The following IRAK3 variants were observed in gnomAD, a reference collection of about 807,000 sequenced individuals.
IRAK3 encodes interleukin-1 receptor-associated kinase 3.
In IRAK3, 57 loss-of-function variants were observed where a neutral mutation model predicts 56.6. The ratio of observed to expected loss-of-function variants is 1.01; its 90% CI spans 0.81 to 1.26. The LOEUF is 1.26. Among genes scored for constraint, IRAK3 ranks in the 50% most tolerant of loss-of-function variants. The pLI is 0.00. For synonymous variants in IRAK3, 258 were observed against 255.7 expected (o/e 1.01, Z -0.09); for missense variants, 703 against 719.0 (o/e 0.98, Z 0.25).
At chr12:66,244,832 T>C (rs1052535414) in intron 9 of IRAK3, 116 bp from the exon 10 acceptor site, 2 of 1,058,418 alleles carry the variant, frequency 1.9e-6, no homozygotes, top group African/African-American at 3.2e-5. Context: ...AAGCAATTAA[T>C]AAAATATAAA....
rs567697619 is a variant in IRAK3 at position 66,211,436 on chromosome 12, C to T, written c.437-10C>T. 2.5e-5 allele frequency: 39 copies of T among 1,577,292 alleles called. No homozygotes were observed. The South Asian group carries it at 4.1e-4, about 17-fold the overall frequency. ...AGCTAACTTATCTTCCCCCTACTTT[C>T]CTTCCTAAGGAATACTGCTTAAATC... On this transcript the variant is annotated splice_polypyrimidine_tract_variant and intron_variant, in intron 4 of 11. Coordinates refer to ENST00000261233, the MANE Select transcript of IRAK3 (RefSeq NM_007199.3).
At chr12:66,211,764 C>T (rs2052614482) in intron 5 of IRAK3, among the ~76,000 whole-genome samples, 167 bp downstream of exon 5, 1 of 152,118 alleles carries the variant, frequency 6.6e-6, no homozygotes, top group Non-Finnish European at 1.5e-5. Context: ...AAAGACCTGT[C>T]TTGCAAGAAT....
At chr12:66,189,833 C>T (rs2052382843) in intron 1 of IRAK3, among the ~76,000 whole-genome samples, 1 of 152,152 alleles carries the variant, frequency 6.6e-6, no homozygotes, top group South Asian at 2.1e-4. Context: ...AGATACTTAT[C>T]CTTTGGTGTT....
At chr12:66,243,388 C>A (rs779996361) in intron 8 of IRAK3, among the ~76,000 whole-genome samples, 10 of 152,202 alleles carry the variant, frequency 6.6e-5, no homozygotes, top group Non-Finnish European at 1.3e-4. Context: ...CTTTTAGTAA[C>A]AGCATGTCGT....
rs372778511 is a variant in IRAK3, at chr12:66,245,275, A to T, written c.1314+13A>T. 2 of 1,613,798 alleles carry T rather than the reference A, an allele frequency of 1.2e-6. No individual in the cohort carries two copies. The highest frequency in any genetic ancestry group is 2.2e-5 in the East Asian group (1 of 44,880). ...ATCAATGGATGAAGTGAGTATATAC[A>T]TGGTTTTATTCAAAACTGAGCCCAC... On this transcript the variant is annotated intron_variant, in intron 11 of 11. Transcript: ENST00000261233.
rs2053074957 is a variant in IRAK3 at position 66,249,527 on chromosome 12, A to G, written c.*1356A>G. On this transcript the variant is annotated 3_prime_UTR_variant, in exon 12 of 12. Transcript: ENST00000261233. ...TTTTCTATTGTTTTTGTAACACATT[A>G]TCACAAATTTAGTGACTTAAAGTAA... 6.6e-6 allele frequency: 1 copy of G among 152,220 alleles called. No homozygotes were observed. The highest frequency in any genetic ancestry group is 6.5e-5 in the Admixed American group (1 of 15,276). The allele number at this position is 152,220 out of a possible 1,614,324, so 9.4% of individuals were successfully genotyped here.
At chr12:66,222,561 A>G (rs1818587492) in intron 6 of IRAK3, among the ~76,000 whole-genome samples, 1 of 152,112 alleles carries the variant, frequency 6.6e-6, no homozygotes, top group Non-Finnish European at 1.5e-5. Context: ...GGCCTCTCAA[A>G]AAAACAAGTC....
chr12:66,224,298 T>C (rs1370584503), intron 6 of IRAK3, among the ~76,000 whole-genome samples: 1 of 152,182 alleles, frequency 6.6e-6, no homozygotes, highest in Non-Finnish European at 1.5e-5. Context: ...TTCTCAGATG[T>C]GACTAAGGCA....
At chr12:66,232,018 A>T (rs1307771266) in intron 8 of IRAK3, among the ~76,000 whole-genome samples, 1 of 152,240 alleles carries the variant, frequency 6.6e-6, no homozygotes, top group African/African-American at 2.4e-5. Flanking sequence ...GGATGTGCAG[A>T]ACTATAAAAA....
intron 8 of IRAK3, among the ~76,000 whole-genome samples, chr12:66,231,966 A>G (rs1196973012): frequency 3.3e-5 from 5 of 152,174 alleles, no homozygotes; most frequent in Non-Finnish European, 7.3e-5. Context: ...ACAACTTAAG[A>G]GGAGGCCAGT....
rs763706385 is a variant in IRAK3 at position 66,244,929 on chromosome 12, T to TTC, written c.1087-17_1087-16dup. 1 of 1,569,832 alleles carries TTC rather than the reference T, an allele frequency of 6.4e-7. No homozygotes were observed. The highest frequency in any genetic ancestry group is 1.1e-5 in the South Asian group (1 of 90,132). On this transcript the variant is annotated intron_variant, in intron 9 of 11. Transcript: ENST00000261233. ...ATATTTTTAAGATATATAGCTGACTTTCTATATATTCCTTGTAGGTAATAA... is the reference window on the plus strand; with the variant it reads ...ATATTTTTAAGATATATAGCTGACTTTCTCTATATATTCCTTGTAGGTAATAA...
rs1382505881 is a variant in IRAK3, at chr12:66,249,471, CTT to C, written c.*1303_*1304del. ...GAGCCACCGCGCCCAGCCTTCATCT[CTT>C]TTACTAGGTTGTAAACTCCCTATAT... On this transcript the variant is annotated 3_prime_UTR_variant, in exon 12 of 12. Transcript: ENST00000261233. 2 of 152,204 alleles carry C rather than the reference CTT, an allele frequency of 1.3e-5. No homozygotes were observed. The highest frequency in any genetic ancestry group is 6.5e-5 in the Admixed American group (1 of 15,284). The allele number at this position is 152,204 out of a possible 1,614,324, so 9.4% of individuals were successfully genotyped here.
intron 8 of IRAK3, among the ~76,000 whole-genome samples, chr12:66,237,210 T>C (rs879934010): frequency 6.6e-6 from 1 of 152,088 alleles, no homozygotes; most frequent in Non-Finnish European, 1.5e-5. Flanking sequence ...AGTGAGGTGA[T>C]AGACTGAAAG....
intron 2 of IRAK3, among the ~76,000 whole-genome samples, chr12:66,208,453 T>C (rs1219348477): frequency 6.6e-6 from 1 of 152,098 alleles, no homozygotes; most frequent in Non-Finnish European, 1.5e-5. Context: ...CATTTAAAAA[T>C]ATATGTGCAA....
chr12:66,205,088 C>T (rs961712679), intron 2 of IRAK3, among the ~76,000 whole-genome samples: 1 of 152,314 alleles, frequency 6.6e-6, no homozygotes, highest in East Asian at 1.9e-4. Flanking sequence ...CTGAGCCTTT[C>T]CCAGCCACTG....
Position 66,220,517 on chromosome 12 carries a change from T to C in IRAK3, c.653+3282T>C, listed in dbSNP as rs11176091. Among the ~76,000 whole-genome samples, 18 of 4,666 alleles carry C rather than the reference T, an allele frequency of 3.9e-3. 1 individual carries two copies. The highest frequency in any genetic ancestry group is 0.012 in the Non-Finnish European group (6 of 488). 3.1% of individuals were successfully genotyped at this position (4,666 alleles called of 152,430 possible). On this transcript the variant is annotated intron_variant, in intron 6 of 11. Coordinates refer to ENST00000261233, the MANE Select transcript of IRAK3 (RefSeq NM_007199.3). ...GCCTCTGGCTTTGTTCTTCTTTCTT[T>C]TTTTTTTTTTTTTTTTTTTTTGAGA...
intron 8 of IRAK3, among the ~76,000 whole-genome samples, chr12:66,235,518 C>G (rs915638220): frequency 3.2e-4 from 48 of 151,926 alleles, no homozygotes; most frequent in African/African-American, 1.0e-3. Context: ...TCGAGCAGCT[C>G]GGGCAGCCGC....
intron 2 of IRAK3, among the ~76,000 whole-genome samples, chr12:66,204,155 C>T (rs773674512): frequency 2.0e-5 from 3 of 152,138 alleles, no homozygotes; most frequent in Non-Finnish European, 2.9e-5. Flanking sequence ...ACAAACTACA[C>T]TTTTAAAAAT....
At chr12:66,203,919 C>T in intron 2 of IRAK3, 26 bp downstream of exon 2, 1 of 1,581,334 alleles carries the variant, frequency 6.3e-7, no homozygotes, top group Non-Finnish European at 8.7e-7. Context: ...TATAATGTGG[C>T]TCTTAATCTG....
Sources: gnomAD v4.1 joint callset for allele counts (sites outside exome capture counted in the v4.1 genomes callset) on GRCh38, gnomAD v4.1.1 for gene constraint, MANE v1.5 for transcripts, NCBI Gene and HGNC (gene_info 2026-07-23, HGNC 2026-07-21) for gene names.